FIGNL2: variants seen among roughly 807,000 people sequenced by gnomAD.
FIGNL2 encodes fidgetin like 2, also known as fidgetin-like protein 2.
For synonymous variants in FIGNL2, 565 were observed against 484.0 expected, an observed-to-expected ratio of 1.17 and a Z score of -2.20; for missense variants, 1,060 against 950.2, an observed-to-expected ratio of 1.12 and a Z score of -1.52.
chr12:51,834,036 GATGGATGA>G (rs1939527144), intron 1 of FIGNL2, among the ~76,000 whole-genome samples: 1 of 151,654 alleles, frequency 6.6e-6, no homozygotes, highest in African/African-American at 2.4e-5. Context: ...TGGATGGATG[GATGGATGA>G]ATGGACAGAT....
intron 1 of FIGNL2, among the ~76,000 whole-genome samples, chr12:51,828,837 G>A (rs747804933): frequency 4.6e-4 from 70 of 152,222 alleles, no homozygotes; most frequent in Non-Finnish European, 7.9e-4. Context: ...CATTGAGACC[G>A]CTGGTTTAGA....
chr12:51,848,697 C>G lies in FIGNL2; in HGVS notation c.-169G>C. 3.6e-6 allele frequency: 1 copy of G among 278,428 alleles called. No individual in the cohort carries two copies. Among genetic ancestry groups the G allele is most frequent in the Non-Finnish European group, 5.4e-6 (1 of 183,734 alleles). 17.2% of individuals were successfully genotyped at this position (278,428 alleles called of 1,614,324 possible). ...CCGCTGCTGCTGCGGCTGCTGCGGC[C>G]GCCGCGGGCGGGAGCGGGACTGGGC... On this transcript the variant is annotated 5_prime_UTR_variant, in exon 1 of 2. Transcript: ENST00000618634.
At chr12:51,840,511 T>G (rs913532224) in intron 1 of FIGNL2, among the ~76,000 whole-genome samples, 13 of 152,158 alleles carry the variant, frequency 8.5e-5, no homozygotes, top group Non-Finnish European at 1.5e-4. Context: ...TGAGGCAGGC[T>G]GATCACCTGA....
chr12:51,844,050 T>C (rs1361882186), intron 1 of FIGNL2, among the ~76,000 whole-genome samples: 2 of 151,840 alleles, frequency 1.3e-5, no homozygotes, highest in South Asian at 4.2e-4. Context: ...ACTAAGCGGG[T>C]CCCCAAGGTA....
Position 51,818,709 on chromosome 12 carries a change from G to A in FIGNL2, c.*1743C>T, listed in dbSNP as rs889331584. On this transcript the variant is annotated 3_prime_UTR_variant, in exon 2 of 2. Coordinates refer to ENST00000618634, the MANE Select transcript of FIGNL2 (RefSeq NM_001384995.1). ...GGAACTGCACAGGAGGCTGAGATGG[G>A]AGAGAGAAAAAGTGGTGGTGGGGGG... 1 of 152,532 alleles carries A rather than the reference G, an allele frequency of 6.6e-6. No individual in the cohort carries two copies. The highest frequency in any genetic ancestry group is 2.4e-5 in the African/African-American group (1 of 41,432). 9.4% of individuals were successfully genotyped at this position (152,532 alleles called of 1,614,324 possible).
chr12:51,846,482 G>A (rs1051612695), intron 1 of FIGNL2, among the ~76,000 whole-genome samples: 1 of 152,200 alleles, frequency 6.6e-6, no homozygotes, highest in African/African-American at 2.4e-5. Context: ...GGCAGGGAGG[G>A]GAGTCCTGAT....
At chr12:51,841,975 C>T (rs1939670373) in intron 1 of FIGNL2, 1 of 152,234 alleles carries the variant, frequency 6.6e-6, no homozygotes, top group South Asian at 2.1e-4. Flanking sequence ...TGCTGAGTCC[C>T]CATCAGTGGA....
chr12:51,826,052 A>G (rs965205289), intron 1 of FIGNL2: 2 of 151,774 alleles, frequency 1.3e-5, no homozygotes, highest in Non-Finnish European at 2.9e-5. Flanking sequence ...AAGCTCCCTT[A>G]CCTCTGGCCC....
In FIGNL2 at chr12:51,820,511, A is replaced by C; in HGVS notation, c.1903T>G (p.Ser635Ala). 1 of 1,579,134 alleles carries C rather than the reference A, an allele frequency of 6.3e-7. No individual in the cohort carries two copies. The highest frequency in any genetic ancestry group is 1.1e-5 in the South Asian group (1 of 87,468). Reference sequence around the variant, plus strand: ...ACGAACGAGTCCAGTTCCTTGGCAGAGGCCCTAGGGCCCACCTTGGCCAGC... The same window carrying C: ...ACGAACGAGTCCAGTTCCTTGGCAGCGGCCCTAGGGCCCACCTTGGCCAGC... Reference protein sequence around the residue: ...AALAKVGPRASAKELDSFVEW... With the variant: ...AALAKVGPRAAAKELDSFVEW... The change falls in exon 2 of 2, where the codon TCT becomes GCT. Residue 635 changes from serine to alanine, a missense_variant. Transcript: ENST00000618634.
intron 1 of FIGNL2, among the ~76,000 whole-genome samples, chr12:51,830,772 G>A (rs201604280): frequency 2.6e-5 from 4 of 151,618 alleles, no homozygotes; most frequent in South Asian, 2.1e-4. Context: ...TTACAGGCAT[G>A]AGCCACCACA....
At chr12:51,846,898 A>G (rs888900770) in intron 1 of FIGNL2, 13 of 744,046 alleles carry the variant, frequency 1.7e-5, no homozygotes, top group Non-Finnish European at 2.1e-5. Flanking sequence ...TGCCAATGGA[A>G]TCAAGTGGAA....
At chr12:51,829,337 C>A (rs978866751) in intron 1 of FIGNL2, among the ~76,000 whole-genome samples, 4 of 152,192 alleles carry the variant, frequency 2.6e-5, no homozygotes, top group African/African-American at 9.6e-5. Flanking sequence ...AGGACTGTGC[C>A]CCCTCCTCTA....
In FIGNL2 at chr12:51,821,696, G is replaced by T. The variant is rs975718145; in HGVS notation, c.718C>A (p.Pro240Thr). ...YLTPGLPAPT[P>T]LPAPAPPTAY... ...GTGGGCGGTGCCGGCGCGGGCAGGG[G>T]CGTGGGCGCGGGCAGGCCCGGGGTC... The change falls in exon 2 of 2, where the codon CCC becomes ACC. Residue 240 changes from proline to threonine, a missense_variant. By Grantham distance (38) the Pro-to-Thr change is conservative. Transcript: ENST00000618634. 2 of 1,355,860 alleles carry T rather than the reference G, an allele frequency of 1.5e-6. No homozygotes were observed. The highest frequency in any genetic ancestry group is 1.9e-6 in the Non-Finnish European group (2 of 1,062,684). The allele number at this position is 1,355,860 out of a possible 1,614,324, so 84.0% of individuals were successfully genotyped here. A position where few individuals can be genotyped will look rare whatever the true frequency, so the allele number is the denominator to read the frequency against.
Position 51,820,588 on chromosome 12 carries a change from G to T in FIGNL2, c.1826C>A (p.Ala609Glu). Residue 609 changes from alanine to glutamate, a missense_variant, in exon 2 of 2, where the codon GCG becomes GAG. By Grantham distance (107) the Ala-to-Glu change is moderately radical. Coordinates refer to ENST00000618634, the MANE Select transcript of FIGNL2 (RefSeq NM_001384995.1). Reference protein sequence around the residue: ...GQLCQQAAAGAGLPGLQRPLS... With the variant: ...GQLCQQAAAGEGLPGLQRPLS... Reference sequence around the variant, plus strand: ...GGGGCGCTGCAGCCCCGGGAGGCCCGCCCCGGCCGCCGCCTGCTGGCACAG... The same window carrying T: ...GGGGCGCTGCAGCCCCGGGAGGCCCTCCCCGGCCGCCGCCTGCTGGCACAG... The T allele has an allele frequency of 6.6e-7, 1 of 1,525,822 alleles. No homozygotes were observed. Among genetic ancestry groups the T allele is most frequent in the South Asian group, 1.2e-5 (1 of 83,590 alleles). 94.5% of individuals were successfully genotyped at this position (1,525,822 alleles called of 1,614,324 possible). A position where few individuals can be genotyped will look rare whatever the true frequency, so the allele number is the denominator to read the frequency against.
rs924218988 is a variant in FIGNL2 at position 51,820,635 on chromosome 12, G to A, written c.1779C>T (p.Phe593=). ...ACAGCTGCCCCAGCTCGCCCCCAGA[G>A]AAGCCCTGCGTGCCCTGCACCAGCG... is the stretch of plus-strand genomic sequence containing the variant. ...LAALVQGTQG[F]SGGELGQLCQ... Residue 593 remains phenylalanine, a synonymous_variant, in exon 2 of 2, where the codon TTC becomes TTT. Coordinates refer to ENST00000618634, the MANE Select transcript of FIGNL2 (RefSeq NM_001384995.1). 10 of 1,525,296 alleles carry A rather than the reference G, an allele frequency of 6.6e-6. No individual in the cohort carries two copies. The African/African-American group carries it at 1.1e-4, about 17-fold the overall frequency. 94.5% of individuals were successfully genotyped at this position (1,525,296 alleles called of 1,614,324 possible).
Position 51,821,706 on chromosome 12 carries a change from G to A in FIGNL2, c.708C>T (p.Pro236=), listed in dbSNP as rs867763699. 337 of 1,344,438 alleles carry A rather than the reference G, an allele frequency of 2.5e-4. No individual in the cohort carries two copies. In the Middle Eastern group the frequency reaches 3.0e-3, roughly 12 times the overall value. 83.3% of individuals were successfully genotyped at this position (1,344,438 alleles called of 1,614,324 possible). A position where few individuals can be genotyped will look rare whatever the true frequency, so the allele number is the denominator to read the frequency against. Residue 236 remains proline (P), a synonymous_variant, in exon 2 of 2, where the codon CCC becomes CCT. Transcript: ENST00000618634. ...CCGGCGCGGGCAGGGGCGTGGGCGCGGGCAGGCCCGGGGTCAGGTAGGGGG... is the reference window on the plus strand; with the variant it reads ...CCGGCGCGGGCAGGGGCGTGGGCGCAGGCAGGCCCGGGGTCAGGTAGGGGG... ...PPAPYLTPGL[P]APTPLPAPAP...
chr12:51,845,028 C>A, intron 1 of FIGNL2: 1 of 252,702 alleles, frequency 4.0e-6, no homozygotes, highest in Non-Finnish European at 6.2e-6. Context: ...CCATGGGCTT[C>A]AGGGGATCCA....
chr12:51,846,006 G>T (rs1185618029), intron 1 of FIGNL2, among the ~76,000 whole-genome samples: 1 of 152,104 alleles, frequency 6.6e-6, no homozygotes, highest in African/African-American at 2.4e-5. Flanking sequence ...CCCACCCAGG[G>T]GTCTCCACCA....
At chr12:51,837,002 G>T (rs1450215984) in intron 1 of FIGNL2, among the ~76,000 whole-genome samples, 1 of 152,142 alleles carries the variant, frequency 6.6e-6, no homozygotes, top group African/African-American at 2.4e-5. Context: ...CCACTGTCCG[G>T]TGGCCCCCAG....
Sources: gnomAD v4.1 joint callset for allele counts (sites outside exome capture counted in the v4.1 genomes callset) on GRCh38, gnomAD v4.1.1 for gene constraint, MANE v1.5 for transcripts, NCBI Gene and HGNC (gene_info 2026-07-23, HGNC 2026-07-21) for gene names.